Variants in TBC1D4 observed in about 807,000 individuals in gnomAD.
TBC1D4 encodes the protein TBC1 domain family member 4, also known as TBC (Tre-2, BUB2, CDC16) domain-containing protein.
Under a neutral mutation model 142.5 loss-of-function variants are expected in TBC1D4, and 121 were observed. The ratio of observed to expected loss-of-function variants is 0.85; its 90% CI spans 0.73 to 0.99. The LOEUF (loss-of-function observed/expected upper bound fraction) is 0.99, where lower values mean the gene tolerates loss of function less well. TBC1D4 is among the 50% of genes least tolerant of loss of function. TBC1D4 has a pLI of 0.00. For missense variants in TBC1D4, 1,475 were observed against 1,606.6 expected, an observed-to-expected ratio of 0.92 and a Z score of 1.40; for synonymous variants, 630 against 628.2, an observed-to-expected ratio of 1.00 and a Z score of -0.04.
intron 1 of TBC1D4, among the ~76,000 whole-genome samples, chr13:75,427,111 C>T (rs767717651): frequency 1.5e-4 from 22 of 149,012 alleles, no homozygotes; most frequent in African/African-American, 2.2e-4. Flanking sequence ...TTTTTTGAGA[C>T]GGAGTCTCAC....
intron 1 of TBC1D4, among the ~76,000 whole-genome samples, chr13:75,480,983 T>G (rs2138365788): frequency 6.6e-6 from 1 of 152,164 alleles, no homozygotes; most frequent in South Asian, 2.1e-4. Flanking sequence ...GCGTGCTCCT[T>G]GGACGCGCCA....
chr13:75,471,669 C>T (rs895696923), intron 1 of TBC1D4, among the ~76,000 whole-genome samples: 9 of 149,816 alleles, frequency 6.0e-5, no homozygotes, highest in Admixed American at 1.3e-4. Flanking sequence ...ACCTGGGAGG[C>T]GGAGGTTGCA....
chr13:75,393,459 T>C (rs1379863023), intron 1 of TBC1D4, among the ~76,000 whole-genome samples: 2 of 152,160 alleles, frequency 1.3e-5, no homozygotes, highest in African/African-American at 2.4e-5. Flanking sequence ...TGAATATCCT[T>C]TGCCGCATTC....
chr13:75,369,839 T>G (rs1432179260), intron 1 of TBC1D4, among the ~76,000 whole-genome samples: 1 of 152,034 alleles, frequency 6.6e-6, no homozygotes, highest in African/African-American at 2.4e-5. Context: ...GAAGATGAAA[T>G]AAGTGAGAAG....
chr13:75,299,250 C>T (rs774092703), intron 17 of TBC1D4, 80 bp downstream of exon 17: 16 of 1,602,004 alleles, frequency 1.0e-5, no homozygotes, highest in Non-Finnish European at 1.3e-5. Flanking sequence ...TTCTTTAAAT[C>T]TGAACTGTAA....
intron 16 of TBC1D4, among the ~76,000 whole-genome samples, chr13:75,300,484 T>C (rs1250137214): frequency 6.6e-6 from 1 of 152,080 alleles, no homozygotes; most frequent in Non-Finnish European, 1.5e-5. Context: ...GGTTTTAAAA[T>C]GTTTTCTCCC....
intron 1 of TBC1D4, among the ~76,000 whole-genome samples, chr13:75,390,664 T>C (rs1047343855): frequency 1.3e-5 from 2 of 152,066 alleles, no homozygotes; most frequent in Non-Finnish European, 2.9e-5. Flanking sequence ...AGCTTAAGGA[T>C]GCTGCATGTG....
At chr13:75,460,013 G>A (rs1887896712) in intron 1 of TBC1D4, among the ~76,000 whole-genome samples, 1 of 152,014 alleles carries the variant, frequency 6.6e-6, no homozygotes, top group Non-Finnish European at 1.5e-5. Context: ...TGTGGTGGCA[G>A]GCAACTGTAG....
At chr13:75,341,699 C>A in intron 5 of TBC1D4, 112 bp from the exon 6 acceptor site, 1 of 824,768 alleles carries the variant, frequency 1.2e-6, no homozygotes, top group South Asian at 1.4e-5. Context: ...CTTAAATCTT[C>A]TCAAGGAGAC....
At chr13:75,477,327 T>C (rs1159977668) in intron 1 of TBC1D4, among the ~76,000 whole-genome samples, 1 of 152,210 alleles carries the variant, frequency 6.6e-6, no homozygotes, top group East Asian at 1.9e-4. Flanking sequence ...CAGATAGTAA[T>C]ACACGTTTTT....
At chr13:75,409,060 C>G (rs1885476227) in intron 1 of TBC1D4, among the ~76,000 whole-genome samples, 1 of 152,026 alleles carries the variant, frequency 6.6e-6, no homozygotes, top group African/African-American at 2.4e-5. Context: ...CACACACACT[C>G]ACATACATAC....
chr13:75,451,902 G>A (rs1022614809), intron 1 of TBC1D4, among the ~76,000 whole-genome samples: 4 of 151,756 alleles, frequency 2.6e-5, no homozygotes, highest in African/African-American at 2.4e-5. Flanking sequence ...TGTTTCCTGT[G>A]AAGCAAACCA....
At chr13:75,468,876 C>G (rs1888275028) in intron 1 of TBC1D4, among the ~76,000 whole-genome samples, 1 of 152,196 alleles carries the variant, frequency 6.6e-6, no homozygotes, top group Admixed American at 6.5e-5. Flanking sequence ...CAACCATGTG[C>G]AGGTAAGATC....
At chr13:75,434,529 A>G (rs551598930) in intron 1 of TBC1D4, among the ~76,000 whole-genome samples, 1 of 152,206 alleles carries the variant, frequency 6.6e-6, no homozygotes, top group Non-Finnish European at 1.5e-5. Flanking sequence ...GGCAGAAAAG[A>G]TAACTATTGT....
chr13:75,359,851 C>A lies in TBC1D4; in HGVS notation c.1088G>T (p.Arg363Leu), dbSNP rs150208730. ...TGGACTGATAAGGTTAATCTCAAAT[C>A]GCCCAACCTTAAAAATAAAAGCATT... ...KNRTMLFQVG[R>L]FEINLISPDT... The change falls in exon 3 of 21, where the codon CGA (arginine) becomes CTA (leucine). Residue 363 changes from arginine (R) to leucine (L), a missense_variant. Physicochemically the swap from Arg to Leu is moderately radical, Grantham distance 102 (BLOSUM62 -2). Coordinates refer to ENST00000377636, the MANE Select transcript of TBC1D4 (RefSeq NM_014832.5). 6.2e-7 allele frequency: 1 copy of A among 1,613,326 alleles called. No homozygotes were observed. The highest frequency in any genetic ancestry group is 2.2e-5 in the East Asian group (1 of 44,752).
At chr13:75,474,758 T>A (rs940360309) in intron 1 of TBC1D4, among the ~76,000 whole-genome samples, 10 of 151,606 alleles carry the variant, frequency 6.6e-5, no homozygotes, top group Non-Finnish European at 1.2e-4. Flanking sequence ...TGCCTCAGCC[T>A]CCCAAGTAGC....
At chr13:75,363,564 C>A (rs1281787383) in intron 1 of TBC1D4, among the ~76,000 whole-genome samples, 1 of 152,200 alleles carries the variant, frequency 6.6e-6, no homozygotes, top group Non-Finnish European at 1.5e-5. Context: ...CCTGCCTTTG[C>A]TTCAAATTGT....
At chr13:75,406,346 A>T (rs1885340343) in intron 1 of TBC1D4, among the ~76,000 whole-genome samples, 1 of 152,226 alleles carries the variant, frequency 6.6e-6, no homozygotes, top group South Asian at 2.1e-4. Flanking sequence ...AGATTTGAAA[A>T]ATGTCCAAGG....
chr13:75,480,877 G>GCA (rs35548574), intron 1 of TBC1D4, among the ~76,000 whole-genome samples: 2,026 of 124,132 alleles, frequency 0.016, 16 homozygotes, highest in Middle Eastern at 0.036. Flanking sequence ...GCACACGCAC[G>GCA]CACACACACA....
Sources: allele counts gnomAD v4.1 joint callset (sites outside exome capture counted in the v4.1 genomes callset), GRCh38; gene constraint gnomAD v4.1.1; transcripts MANE v1.5; gene names NCBI Gene and HGNC (gene_info 2026-07-23, HGNC 2026-07-21).